LY96: variants seen among roughly 807,000 people sequenced by gnomAD.
The protein encoded by LY96 is lymphocyte antigen 96.
Under a neutral mutation model 18.9 loss-of-function variants are expected in LY96, and 18 were observed. The ratio of observed to expected loss-of-function variants is 0.95; its 90% CI spans 0.66 to 1.41. LY96 has a LOEUF of 1.41. LY96 is among the 40% of genes most tolerant of loss of function. The pLI, the probability that LY96 is intolerant of heterozygous loss-of-function variation, is 0.00. For synonymous variants in LY96, 66 were observed against 62.6 expected (o/e 1.06, Z -0.26); for missense variants, 175 against 182.4 (o/e 0.96, Z 0.23).
chr8:74,016,594 G>A (rs149902937), intron 3 of LY96, among the ~76,000 whole-genome samples: 9,497 of 152,288 alleles, frequency 0.062, 422 homozygotes, highest in Non-Finnish European at 0.092. Flanking sequence ...AGCCTAACTC[G>A]GAGACACCTC....
the LY96 span, among the ~76,000 whole-genome samples, chr8:74,044,017 G>T: frequency 6.6e-6 from 1 of 152,048 alleles, no homozygotes; most frequent in East Asian, 1.9e-4. Flanking sequence ...GGAACCTCCT[G>T]CCTCAGCCTT....
chr8:74,088,665 A>G, the LY96 span, among the ~76,000 whole-genome samples: 1 of 152,172 alleles, frequency 6.6e-6, no homozygotes. Flanking sequence ...GGCTCACTGC[A>G]ACCTCTGCCT....
chr8:74,060,897 G>A, the LY96 span, among the ~76,000 whole-genome samples: 14 of 152,286 alleles, frequency 9.2e-5, no homozygotes, highest in East Asian at 1.2e-3. Context: ...CGGTTTTGCC[G>A]TAGCAGGTTC....
chr8:74,075,267 T>C, the LY96 span, among the ~76,000 whole-genome samples: 4,492 of 152,230 alleles, frequency 0.03, 217 homozygotes, highest in African/African-American at 0.1. Context: ...CTTTAAAAAA[T>C]TATTTGTATT....
At chr8:74,025,049 A>G (rs1816841527) in intron 3 of LY96, among the ~76,000 whole-genome samples, 1 of 152,036 alleles carries the variant, frequency 6.6e-6, no homozygotes, top group South Asian at 2.1e-4. Context: ...CTGGTCTTGA[A>G]CTTCTGGGCT....
chr8:74,076,242 C>T, the LY96 span, among the ~76,000 whole-genome samples: 3 of 151,214 alleles, frequency 2.0e-5, no homozygotes, highest in African/African-American at 4.9e-5. Flanking sequence ...CCATGTCTAC[C>T]CCAGGAACCA....
the LY96 span, among the ~76,000 whole-genome samples, chr8:74,077,723 A>G: frequency 1.3e-5 from 2 of 151,844 alleles, no homozygotes; most frequent in African/African-American, 4.8e-5. Context: ...ATATATAAAT[A>G]TGTAAAAATT....
chr8:74,053,429 C>T, the LY96 span, among the ~76,000 whole-genome samples: 7 of 152,250 alleles, frequency 4.6e-5, no homozygotes, highest in South Asian at 1.5e-3. Flanking sequence ...CCCATCTTCC[C>T]CTACTCCCTG....
intron 1 of LY96, among the ~76,000 whole-genome samples, chr8:73,991,996 A>C (rs959349322): frequency 2.6e-5 from 4 of 152,026 alleles, no homozygotes; most frequent in African/African-American, 9.7e-5. Flanking sequence ...CATCCCCCTC[A>C]CTGGATGAAA....
the LY96 span, among the ~76,000 whole-genome samples, chr8:74,068,032 C>T: frequency 3.8e-5 from 5 of 132,904 alleles, no homozygotes; most frequent in Admixed American, 1.7e-4. Context: ...TTGCACTCCA[C>T]CCTGGGTGAC....
chr8:74,031,249 C>T (rs1816964826), downstream of LY96, among the ~76,000 whole-genome samples: 2 of 136,624 alleles, frequency 1.5e-5, no homozygotes, highest in South Asian at 2.1e-4. Flanking sequence ...GAGACTATTT[C>T]TCTTTCTTTT....
At chr8:74,093,255 C>T in the LY96 span, among the ~76,000 whole-genome samples, 1 of 152,204 alleles carries the variant, frequency 6.6e-6, no homozygotes, top group Non-Finnish European at 1.5e-5. Flanking sequence ...GCCTTCCTTT[C>T]TACTGTTGCA....
At chr8:74,045,661 G>T in the LY96 span, among the ~76,000 whole-genome samples, 1 of 152,146 alleles carries the variant, frequency 6.6e-6, no homozygotes, top group South Asian at 2.1e-4. Context: ...GTCCCCCAGG[G>T]CTAGTAGCAG....
downstream of LY96, among the ~76,000 whole-genome samples, chr8:74,030,061 G>C (rs1360784648): frequency 6.6e-6 from 1 of 152,208 alleles, no homozygotes; most frequent in African/African-American, 2.4e-5. Flanking sequence ...GACAGAATTA[G>C]TGTAAGTAGA....
chr8:74,075,505 A>C, the LY96 span, among the ~76,000 whole-genome samples: 1 of 152,326 alleles, frequency 6.6e-6, no homozygotes, highest in Non-Finnish European at 1.5e-5. Flanking sequence ...TCCTGGCTTC[A>C]AGCGATCCTC....
the LY96 span, among the ~76,000 whole-genome samples, chr8:74,089,758 G>C: frequency 6.7e-6 from 1 of 149,882 alleles, no homozygotes; most frequent in Admixed American, 6.7e-5. Context: ...TGGGGGGTGG[G>C]GGGGATAGGA....
At chr8:74,013,863 C>T (rs1055451470) in intron 3 of LY96, among the ~76,000 whole-genome samples, 1 of 152,072 alleles carries the variant, frequency 6.6e-6, no homozygotes, top group Non-Finnish European at 1.5e-5. Flanking sequence ...GAGCATGTAA[C>T]TCATGCGCAA....
At chr8:74,053,493 C>T in the LY96 span, among the ~76,000 whole-genome samples, 1 of 152,208 alleles carries the variant, frequency 6.6e-6, no homozygotes, top group African/African-American at 2.4e-5. Context: ...TGACTTCTGC[C>T]TGCAACTTCA....
intron 4 of LY96, among the ~76,000 whole-genome samples, chr8:74,027,944 TA>T (rs1002012960): frequency 6.6e-5 from 10 of 152,192 alleles, no homozygotes; most frequent in Admixed American, 2.6e-4. Context: ...AGACCCCCAG[TA>T]AACTTGGTTG....
Sources: gnomAD v4.1 joint callset for allele counts (sites outside exome capture counted in the v4.1 genomes callset) on GRCh38, gnomAD v4.1.1 for gene constraint, MANE v1.5 for transcripts, NCBI Gene and HGNC (gene_info 2026-07-23, HGNC 2026-07-21) for gene names.